Variants in NTRK3 observed in about 807,000 individuals in gnomAD.
The protein encoded by NTRK3 is neurotrophic receptor tyrosine kinase 3.
Under a neutral mutation model 91.7 loss-of-function variants are expected in NTRK3, and 24 were observed. That is an observed-to-expected ratio of 0.26 (90% confidence interval 0.19 to 0.37). The LOEUF (loss-of-function observed/expected upper bound fraction) is 0.37. Among genes scored for constraint, NTRK3 ranks in the 10% least tolerant of loss-of-function variants. The pLI is 1.00. For synonymous variants in NTRK3, 483 were observed against 404.0 expected (o/e 1.20, Z -2.34); for missense variants, 880 against 1,068.9 (o/e 0.82, Z 2.46).
chr15:87,910,231 G>A (rs184585672), intron 17 of NTRK3, among the ~76,000 whole-genome samples: 2 of 152,178 alleles, frequency 1.3e-5, no homozygotes, highest in Admixed American at 1.3e-4. Flanking sequence ...GAGCCCTGGG[G>A]GAAGAGCTCC....
intron 17 of NTRK3, among the ~76,000 whole-genome samples, chr15:87,913,438 C>G (rs1001168063): frequency 6.6e-6 from 1 of 152,126 alleles, no homozygotes; most frequent in Non-Finnish European, 1.5e-5. Flanking sequence ...TGTGTCAGAA[C>G]AGGACACAAG....
intron 13 of NTRK3, among the ~76,000 whole-genome samples, chr15:88,045,614 A>G (rs1468700915): frequency 6.6e-6 from 1 of 152,210 alleles, no homozygotes; most frequent in East Asian, 1.9e-4. Flanking sequence ...ACTTAAAACA[A>G]CAGAGTTATG....
At chr15:88,050,558 TACACACACTCAC>T (rs34315970) in intron 13 of NTRK3, among the ~76,000 whole-genome samples, 2,783 of 151,974 alleles carry the variant, frequency 0.018, 92 homozygotes, top group African/African-American at 0.064. Flanking sequence ...CTGAGTAGTA[TACACACACTCAC>T]ACACACAAAT....
At chr15:88,124,793 A>G (rs1414226295) in intron 13 of NTRK3, among the ~76,000 whole-genome samples, 6 of 152,210 alleles carry the variant, frequency 3.9e-5, no homozygotes, top group Admixed American at 6.5e-5. Flanking sequence ...TGTTTAAGTC[A>G]TCTGGATTCC....
intron 3 of NTRK3, among the ~76,000 whole-genome samples, chr15:88,199,672 C>A (rs1387207400): frequency 1.3e-5 from 2 of 152,252 alleles, no homozygotes; most frequent in Non-Finnish European, 2.9e-5. Context: ...ACCTTCTGCG[C>A]TGCACAAAGT....
At chr15:88,063,184 G>A (rs1230264089) in intron 13 of NTRK3, among the ~76,000 whole-genome samples, 1 of 152,232 alleles carries the variant, frequency 6.6e-6, no homozygotes, top group Non-Finnish European at 1.5e-5. Context: ...AGTGCTTGGT[G>A]CTTCATAGGA....
intron 3 of NTRK3, among the ~76,000 whole-genome samples, chr15:88,202,996 G>T (rs1412161118): frequency 2.0e-5 from 3 of 152,134 alleles, no homozygotes. Flanking sequence ...CCCACTTTTT[G>T]ATGCTAGCTG....
At chr15:88,096,695 C>A (rs1347971900) in intron 13 of NTRK3, among the ~76,000 whole-genome samples, 15 of 152,210 alleles carry the variant, frequency 9.9e-5, no homozygotes, top group Admixed American at 9.8e-4. Flanking sequence ...TCACTAAATA[C>A]ATGTTCCAGT....
chr15:88,150,530 C>T (rs113056854), intron 5 of NTRK3, among the ~76,000 whole-genome samples: 147 of 152,246 alleles, frequency 9.7e-4, no homozygotes, highest in African/African-American at 3.4e-3. Context: ...CTTGCCCCTC[C>T]CCCACCCATC....
At chr15:87,877,096 G>C (rs548727485) in exon 19 of NTRK3, 1 of 1,614,016 alleles carries the variant, frequency 6.2e-7, no homozygotes, top group East Asian at 2.2e-5. Context: ...TCCAAAACAC[G>C]ACCTTGGGTA....
At chr15:88,030,777 AT>A (rs1216429976) in intron 14 of NTRK3, among the ~76,000 whole-genome samples, 2 of 151,574 alleles carry the variant, frequency 1.3e-5, no homozygotes, top group East Asian at 1.9e-4. Flanking sequence ...TTAAAAAAAA[AT>A]CATTTATTTT....
chr15:87,870,300 G>A (rs1364255550), exon 19 of NTRK3: 1 of 190,064 alleles, frequency 5.3e-6, no homozygotes, highest in African/African-American at 2.3e-5. Context: ...GGGTGAGATT[G>A]GAGACCACTA....
At chr15:88,077,396 T>C (rs2047645772) in intron 13 of NTRK3, among the ~76,000 whole-genome samples, 1 of 152,038 alleles carries the variant, frequency 6.6e-6, no homozygotes, top group Admixed American at 6.5e-5. Context: ...GTAGCCAACA[T>C]TTTCCAGTCT....
chr15:88,171,093 C>G (rs1487236234), intron 5 of NTRK3, among the ~76,000 whole-genome samples: 1 of 152,126 alleles, frequency 6.6e-6, no homozygotes, highest in African/African-American at 2.4e-5. Context: ...CTGAGGTGGA[C>G]AGTTGACCAG....
chr15:88,221,059 A>G (rs956983026), intron 3 of NTRK3, among the ~76,000 whole-genome samples: 2 of 152,202 alleles, frequency 1.3e-5, no homozygotes, highest in African/African-American at 2.4e-5. Context: ...ATCTAGTCCA[A>G]TGCTTTCATT....
intron 14 of NTRK3, among the ~76,000 whole-genome samples, chr15:88,030,212 A>G (rs572253103): frequency 6.6e-6 from 1 of 152,088 alleles, no homozygotes; most frequent in Non-Finnish European, 1.5e-5. Flanking sequence ...ATTTTCACCA[A>G]CCTTTTCTTG....
chr15:88,047,676 G>A (rs1004801607), intron 13 of NTRK3, among the ~76,000 whole-genome samples: 1 of 152,166 alleles, frequency 6.6e-6, no homozygotes, highest in Non-Finnish European at 1.5e-5. Context: ...CTGCCAAAAA[G>A]GGAGTATCTC....
intron 5 of NTRK3, among the ~76,000 whole-genome samples, chr15:88,173,901 C>T (rs2045759699): frequency 6.6e-6 from 1 of 152,250 alleles, no homozygotes; most frequent in African/African-American, 2.4e-5. Flanking sequence ...CTCAACCTCT[C>T]TGTGCCTCAA....
At chr15:88,023,556 A>G (rs1406034089) in intron 14 of NTRK3, among the ~76,000 whole-genome samples, 1 of 152,254 alleles carries the variant, frequency 6.6e-6, no homozygotes. Flanking sequence ...ACCAAGATTC[A>G]TCTTATGGTT....
Sources: allele counts gnomAD v4.1 joint callset (sites outside exome capture counted in the v4.1 genomes callset), GRCh38; gene constraint gnomAD v4.1.1; transcripts MANE v1.5; gene names NCBI Gene and HGNC (gene_info 2026-07-23, HGNC 2026-07-21).